THAP12: variants seen among roughly 807,000 people sequenced by gnomAD.
THAP12 encodes 52 kDa repressor of the inhibitor of the protein kinase.
THAP12 carries 20 observed loss-of-function variants against 63.0 expected under a neutral mutation model. That is an observed-to-expected ratio of 0.32 (90% confidence interval 0.22 to 0.46). THAP12 has a LOEUF of 0.46. Among genes scored for constraint, THAP12 ranks in the 20% least tolerant of loss-of-function variants. THAP12 has a pLI of 1.00. For missense variants in THAP12, 568 were observed against 908.2 expected (o/e 0.63, Z 4.81); for synonymous variants, 264 against 328.4 (o/e 0.80, Z 2.12).
At chr11:76,380,656 T>A in intron 1 of THAP12, 92 bp downstream of exon 1, 1 of 1,022,346 alleles carries the variant, frequency 9.8e-7, no homozygotes, top group East Asian at 3.7e-5. Context: ...TGCGCCCCTC[T>A]CAGCCAGCCC....
chr11:76,380,823 C>G lies in THAP12; in HGVS notation c.14G>C (p.Cys5Ser). ...CTTCCGCGTGCAGTTGGGGGCAGCG[C>G]AGAAGTTCGGCATCGTCGCCCGCCC... MPNFCAAPNCTRKST... is the reference protein window; with the variant it reads MPNFSAAPNCTRKST... Residue 5 changes from cysteine to serine, a missense_variant, in exon 1 of 5, where the codon TGC (cysteine) becomes TCC (serine). Physicochemically the swap from Cys to Ser is moderately radical, Grantham distance 112. Coordinates refer to ENST00000260045, the MANE Select transcript of THAP12 (RefSeq NM_004705.4). 6.9e-7 allele frequency: 1 copy of G among 1,441,386 alleles called. No individual in the cohort carries two copies. The highest frequency in any genetic ancestry group is 3.2e-5 in the East Asian group (1 of 31,260). 89.3% of individuals were successfully genotyped at this position (1,441,386 alleles called of 1,614,324 possible).
chr11:76,353,073 C>G (rs2618062), intron 4 of THAP12, among the ~76,000 whole-genome samples: 144,711 of 152,176 alleles, frequency 0.95, 68,866 homozygotes, highest in African/African-American at 0.98. Flanking sequence ...AGAAGTAGAG[C>G]GGGGAGTCTC....
intron 1 of THAP12, among the ~76,000 whole-genome samples, chr11:76,375,754 G>GGGT (rs1946705280): frequency 9.1e-6 from 1 of 109,728 alleles, no homozygotes; most frequent in Non-Finnish European, 1.8e-5. Context: ...AGGTGGGGGG[G>GGGT]GGGTGGGTTA....
intron 1 of THAP12, among the ~76,000 whole-genome samples, chr11:76,370,512 G>A (rs929520123): frequency 5.3e-5 from 8 of 151,876 alleles, no homozygotes; most frequent in South Asian, 2.1e-4. Flanking sequence ...ACAGGCACAC[G>A]CCACCATGCC....
intron 4 of THAP12, among the ~76,000 whole-genome samples, chr11:76,354,033 C>T (rs560611005): frequency 1.3e-5 from 2 of 152,120 alleles, no homozygotes; most frequent in East Asian, 1.9e-4. Flanking sequence ...CTATGGAGGG[C>T]GGTGGGGAGA....
intron 1 of THAP12, among the ~76,000 whole-genome samples, chr11:76,379,870 CTAAT>C (rs1946739012): frequency 6.6e-6 from 1 of 152,146 alleles, no homozygotes; most frequent in African/African-American, 2.4e-5. Flanking sequence ...ATTAATTGAA[CTAAT>C]TAATAAATAA....
rs945368981 is a variant in THAP12 at position 76,360,819 on chromosome 11, C to T, written c.318+137G>A. 7 of 651,898 alleles carry T rather than the reference C, an allele frequency of 1.1e-5. 1 individual carries two copies. The Admixed American group carries it at 1.2e-4, about 11-fold the overall frequency. 40.4% of individuals were successfully genotyped at this position (651,898 alleles called of 1,614,324 possible). A position where few individuals can be genotyped will look rare whatever the true frequency, so the allele number is the denominator to read the frequency against. On this transcript the variant is annotated intron_variant, in intron 3 of 4. Coordinates refer to ENST00000260045, the MANE Select transcript of THAP12 (RefSeq NM_004705.4). ...ATCATCTCACATCTAGGCTATTTAACAACCATAACATTTATTTCCCGTTAC... is the reference window on the plus strand; with the variant it reads ...ATCATCTCACATCTAGGCTATTTAATAACCATAACATTTATTTCCCGTTAC...
In THAP12 at chr11:76,350,664, C is replaced by T. The variant is rs898251234; in HGVS notation, c.*200G>A. The T allele has an allele frequency of 6.1e-5, 30 of 490,578 alleles. No individual in the cohort carries two copies. The highest frequency in any genetic ancestry group is 5.2e-4 in the African/African-American group (26 of 49,800). 30.4% of individuals were successfully genotyped at this position (490,578 alleles called of 1,614,324 possible). ...GCAAAAGGAAACATGGCACTTTCAA[C>T]GTTCTCTTCTGGAAGAACAGGTAGG... On this transcript the variant is annotated 3_prime_UTR_variant, in exon 5 of 5. Coordinates refer to ENST00000260045, the MANE Select transcript of THAP12 (RefSeq NM_004705.4).
chr11:76,374,709 T>C (rs1946697156), intron 1 of THAP12, among the ~76,000 whole-genome samples: 1 of 152,122 alleles, frequency 6.6e-6, no homozygotes, highest in South Asian at 2.1e-4. Context: ...ATATGAAAAA[T>C]GCAAATAATA....
At chr11:76,376,504 A>C (rs1357911922) in intron 1 of THAP12, among the ~76,000 whole-genome samples, 1 of 152,126 alleles carries the variant, frequency 6.6e-6, no homozygotes, top group Non-Finnish European at 1.5e-5. Context: ...AAAGGGGAGG[A>C]CTATCATTAG....
intron 4 of THAP12, among the ~76,000 whole-genome samples, chr11:76,354,002 C>A (rs979654976): frequency 6.6e-6 from 1 of 152,170 alleles, no homozygotes; most frequent in African/African-American, 2.4e-5. Context: ...GAGTGAGACT[C>A]CGTCTCAAAA....
At chr11:76,370,252 G>T (rs750159716) in intron 1 of THAP12, among the ~76,000 whole-genome samples, 1 of 152,152 alleles carries the variant, frequency 6.6e-6, no homozygotes, top group Non-Finnish European at 1.5e-5. Context: ...AGTTTGGGAC[G>T]CTAGTGATAC....
Position 76,365,847 on chromosome 11 carries a change from C to T in THAP12, c.210+5G>A. 2 of 1,610,654 alleles carry T rather than the reference C, an allele frequency of 1.2e-6. No individual in the cohort carries two copies. The highest frequency in any genetic ancestry group is 1.7e-6 in the Non-Finnish European group (2 of 1,178,784). On this transcript the variant is annotated splice_donor_5th_base_variant and intron_variant, in intron 2 of 4. Coordinates refer to ENST00000260045, the MANE Select transcript of THAP12 (RefSeq NM_004705.4). The stretch of plus-strand genomic sequence containing the variant: ...AGAGAGACACCAAGCTCTTCTATTA[C>T]TCACAGTTCTACAGATCATAGAGGT...
chr11:76,373,492 G>C (rs188160695), intron 1 of THAP12, among the ~76,000 whole-genome samples: 2 of 151,082 alleles, frequency 1.3e-5, no homozygotes, highest in African/African-American at 2.4e-5. Context: ...GAACAAGGGG[G>C]GAATGCTTCA....
At chr11:76,361,123 A>T in intron 2 of THAP12, 60 bp from the exon 3 acceptor site, 1 of 1,094,642 alleles carries the variant, frequency 9.1e-7, no homozygotes, top group Non-Finnish European at 1.4e-6. Flanking sequence ...ACACATCAAT[A>T]AAATTCTATG....
At chr11:76,355,043 T>C (rs1207344956) in intron 4 of THAP12, among the ~76,000 whole-genome samples, 3 of 152,174 alleles carry the variant, frequency 2.0e-5, no homozygotes, top group African/African-American at 4.8e-5. Flanking sequence ...CAGTAAGCAC[T>C]CAATAAAATG....
chr11:76,355,861 C>G (rs1357714153), intron 3 of THAP12: 2 of 401,514 alleles, frequency 5.0e-6, no homozygotes, highest in South Asian at 8.2e-5. Flanking sequence ...AAGGTTATAA[C>G]AAAGTCTTAG....
chr11:76,365,936 G>T lies in THAP12; in HGVS notation c.126C>A (p.Asp42Glu). The change falls in exon 2 of 5, where the codon GAC (aspartate) becomes GAA (glutamate). Residue 42 changes from aspartate (D) to glutamate (E), a missense_variant. Physicochemically the swap from Asp to Glu is conservative, Grantham distance 45. Transcript: ENST00000260045. Reference protein sequence around the residue: ...QKWVENCRRADLEDKTPDQLN... With the variant: ...QKWVENCRRAELEDKTPDQLN... ...GCTGATCAGGTGTTTTATCTTCTAA[G>T]TCTGCTCTCCTACAGTTCTCCACCC... is the stretch of plus-strand genomic sequence containing the variant. 6.2e-7 allele frequency: 1 copy of T among 1,613,502 alleles called. No homozygotes were observed. Among genetic ancestry groups the T allele is most frequent in the Non-Finnish European group, 8.5e-7 (1 of 1,179,634 alleles).
chr11:76,353,041 TAGGA>T (rs1257660153), intron 4 of THAP12, among the ~76,000 whole-genome samples: 3 of 152,020 alleles, frequency 2.0e-5, no homozygotes, highest in African/African-American at 7.2e-5. Context: ...TGTTACAAGA[TAGGA>T]ATAATTTTTT....
Sources: gnomAD v4.1 joint callset for allele counts (sites outside exome capture counted in the v4.1 genomes callset) on GRCh38, gnomAD v4.1.1 for gene constraint, MANE v1.5 for transcripts, NCBI Gene and HGNC (gene_info 2026-07-23, HGNC 2026-07-21) for gene names.